The following RANBP2 variants were observed in gnomAD, a reference collection of about 807,000 sequenced individuals.
The protein encoded by RANBP2 is E3 SUMO-protein ligase RanBP2.
A neutral mutation model predicts 303.6 loss-of-function variants in RANBP2; 57 were observed. That is an observed-to-expected ratio of 0.19 (90% confidence interval 0.15 to 0.23). RANBP2 has a LOEUF of 0.23. RANBP2 is among the 10% of genes least tolerant of loss of function. The probability of loss-of-function intolerance (pLI) is 1.00; values close to 1 mark genes in which losing one functional copy is unlikely to be tolerated. For synonymous variants in RANBP2, 1,167 were observed against 1,301.5 expected (o/e 0.90, Z 2.23); for missense variants, 3,138 against 3,780.8 (o/e 0.83, Z 4.46).
At chr2:108,824,211 C>A in the RANBP2 span, among the ~76,000 whole-genome samples, 1 of 152,026 alleles carries the variant, frequency 6.6e-6, no homozygotes, top group South Asian at 2.1e-4. Context: ...TTACTGTAAT[C>A]TTTTTACTTT....
At chr2:109,135,378 C>T in the RANBP2 span, among the ~76,000 whole-genome samples, 1 of 152,212 alleles carries the variant, frequency 6.6e-6, no homozygotes, top group Non-Finnish European at 1.5e-5. Context: ...TTGGCTTCCA[C>T]ACTTCCTCAC....
the RANBP2 span, among the ~76,000 whole-genome samples, chr2:109,093,991 A>G: frequency 1.3e-5 from 2 of 152,386 alleles, no homozygotes; most frequent in East Asian, 3.9e-4. Flanking sequence ...GTATTAGCTG[A>G]CAGTTTTGAC....
the RANBP2 span, among the ~76,000 whole-genome samples, chr2:109,707,633 A>G: frequency 7.2e-5 from 11 of 152,186 alleles, no homozygotes; most frequent in Admixed American, 5.9e-4. Flanking sequence ...AAGGGAGAAC[A>G]GGGCCCAGCA....
At chr2:109,658,685 G>C in the RANBP2 span, among the ~76,000 whole-genome samples, 7 of 152,158 alleles carry the variant, frequency 4.6e-5, no homozygotes, top group Non-Finnish European at 1.0e-4. Context: ...CCAGCACTTT[G>C]GGAGACTGAG....
the RANBP2 span, among the ~76,000 whole-genome samples, chr2:109,311,709 G>T: frequency 3.9e-5 from 6 of 152,218 alleles, no homozygotes; most frequent in Admixed American, 3.3e-4. Context: ...TACCCTGGTG[G>T]TGGTTTTGTT....
the RANBP2 span, among the ~76,000 whole-genome samples, chr2:108,937,500 TATGA>T: frequency 1.3e-5 from 2 of 152,274 alleles, no homozygotes; most frequent in African/African-American, 4.8e-5. Flanking sequence ...TGTGTATGTG[TATGA>T]ATGTATGCAT....
the RANBP2 span, among the ~76,000 whole-genome samples, chr2:109,112,367 A>G: frequency 6.7e-6 from 1 of 148,544 alleles, no homozygotes; most frequent in African/African-American, 2.5e-5. Flanking sequence ...TTTGATTTGC[A>G]TTTCTCTGAT....
chr2:109,173,573 G>A, the RANBP2 span, among the ~76,000 whole-genome samples: 3 of 152,186 alleles, frequency 2.0e-5, no homozygotes, highest in Admixed American at 2.0e-4. Flanking sequence ...GCTGGTGGCT[G>A]CGGGGAAGGC....
chr2:108,979,380 TC>T, the RANBP2 span, among the ~76,000 whole-genome samples: 1 of 151,238 alleles, frequency 6.6e-6, no homozygotes, highest in Admixed American at 6.6e-5. Context: ...CCCCACCACT[TC>T]CCCCAGCCTG....
chr2:109,240,473 C>CA, the RANBP2 span, among the ~76,000 whole-genome samples: 1 of 151,952 alleles, frequency 6.6e-6, no homozygotes, highest in African/African-American at 2.4e-5. Context: ...GGGCGACAAA[C>CA]AAAAAAACAA....
intron 7 of RANBP2, among the ~76,000 whole-genome samples, chr2:108,743,484 A>G (rs147669619): frequency 0.059 from 9,008 of 152,140 alleles, 318 homozygotes; most frequent in South Asian, 0.15. Context: ...TATGTTTCCC[A>G]GGCTGGTTAG....
At chr2:108,806,097 G>A in the RANBP2 span, among the ~76,000 whole-genome samples, 3 of 152,120 alleles carry the variant, frequency 2.0e-5, no homozygotes, top group African/African-American at 7.2e-5. Flanking sequence ...CTCCTTGGCA[G>A]TGATACATAG....
the RANBP2 span, among the ~76,000 whole-genome samples, chr2:109,590,073 CAT>C: frequency 2.3e-4 from 34 of 146,794 alleles, no homozygotes; most frequent in African/African-American, 7.9e-4. Flanking sequence ...TATACACACA[CAT>C]ATATATGTAT....
the RANBP2 span, among the ~76,000 whole-genome samples, chr2:109,765,897 A>G: frequency 2.0e-5 from 3 of 150,574 alleles, no homozygotes; most frequent in South Asian, 2.1e-4. Context: ...AGAAAATGCT[A>G]CAGATCCCTG....
the RANBP2 span, among the ~76,000 whole-genome samples, chr2:109,317,581 G>A: frequency 9.2e-5 from 14 of 152,244 alleles, no homozygotes; most frequent in South Asian, 2.7e-3. Context: ...CTCCTTCTGA[G>A]GTACAGAACA....
the RANBP2 span, chr2:109,544,256 T>C: frequency 6.2e-7 from 1 of 1,613,124 alleles, no homozygotes; most frequent in Non-Finnish European, 8.5e-7. Flanking sequence ...TCTAGTTTTT[T>C]TTTAATAAAG....
At chr2:108,921,144 G>C in the RANBP2 span, among the ~76,000 whole-genome samples, 1 of 152,106 alleles carries the variant, frequency 6.6e-6, no homozygotes, top group East Asian at 1.9e-4. Flanking sequence ...AGAAGCTGCC[G>C]TCTCTTTAAG....
chr2:109,637,418 G>A, the RANBP2 span, among the ~76,000 whole-genome samples: 2 of 152,044 alleles, frequency 1.3e-5, no homozygotes, highest in East Asian at 1.9e-4. Flanking sequence ...GACCCTTTAC[G>A]GGTGTTGGGC....
the RANBP2 span, among the ~76,000 whole-genome samples, chr2:108,938,345 C>A: frequency 6.6e-6 from 1 of 152,190 alleles, no homozygotes; most frequent in African/African-American, 2.4e-5. Context: ...TTGGGCTTCT[C>A]AGAATGCTAA....
Sources: gnomAD v4.1 joint callset for allele counts (sites outside exome capture counted in the v4.1 genomes callset) on GRCh38, gnomAD v4.1.1 for gene constraint, MANE v1.5 for transcripts, NCBI Gene and HGNC (gene_info 2026-07-23, HGNC 2026-07-21) for gene names.